DPF2: variants seen among roughly 807,000 people sequenced by gnomAD.
The protein encoded by DPF2 is zinc finger protein ubi-d4.
A neutral mutation model predicts 59.6 loss-of-function variants in DPF2; 10 were observed. That is an observed-to-expected ratio of 0.17 (90% CI 0.10 to 0.28). The LOEUF (loss-of-function observed/expected upper bound fraction) is 0.28, where lower values mean the gene tolerates loss of function less well. Ranked by LOEUF, DPF2 falls within the 10% of genes least tolerant of loss-of-function variation. DPF2 has a pLI of 1.00. For synonymous variants in DPF2, 189 were observed against 190.6 expected, an observed-to-expected ratio of 0.99 and a Z score of 0.07; for missense variants, 315 against 509.4, an observed-to-expected ratio of 0.62 and a Z score of 3.67.
rs1386625167 is a variant in DPF2 at position 65,340,987 on chromosome 11, A to G, written c.215A>G (p.Tyr72Cys). 6.2e-6 allele frequency: 10 copies of G among 1,613,794 alleles called. No individual in the cohort carries two copies. The highest frequency in any genetic ancestry group is 7.6e-6 in the Non-Finnish European group (9 of 1,179,996). The change falls in exon 3 of 11, where the codon TAC becomes TGC. Residue 72 changes from tyrosine (Y) to cysteine (C), a missense_variant. Physicochemically the swap from Tyr to Cys is radical, Grantham distance 194. This residue lies in a region of DPF2 where 228 missense variants were observed against 275.3 expected (regional missense o/e 0.83). Transcript: ENST00000528416. Reference protein sequence around the residue: ...RGPGLASGQLYSYPARRWRKK... With the variant: ...RGPGLASGQLCSYPARRWRKK... ...ACAGGATTGGCCTCCGGACAGCTGTACTCCTACCCTGCCCGGCGCTGGCGG... is the reference window on the plus strand; with the variant it reads ...ACAGGATTGGCCTCCGGACAGCTGTGCTCCTACCCTGCCCGGCGCTGGCGG...
At chr11:65,339,164 T>C (rs1022670554) in intron 1 of DPF2, among the ~76,000 whole-genome samples, 6 of 152,122 alleles carry the variant, frequency 3.9e-5, no homozygotes, top group East Asian at 3.9e-4. Context: ...TCCCAGATAC[T>C]TGGGAGGCTA....
At chr11:65,342,033 C>T (rs1365269773) in intron 4 of DPF2, 1 of 155,434 alleles carries the variant, frequency 6.4e-6, no homozygotes, top group African/African-American at 2.4e-5. Context: ...GTGGGAGAAT[C>T]ACTTGAGCCT....
intron 3 of DPF2, 74 bp from the exon 4 acceptor site, chr11:65,341,325 C>T: frequency 6.3e-7 from 1 of 1,592,540 alleles, no homozygotes; most frequent in South Asian, 1.1e-5. Context: ...TTGGTAAGCC[C>T]CAGCATTATG....
chr11:65,348,630 AAG>A, intron 9 of DPF2: 2 of 450,762 alleles, frequency 4.4e-6, no homozygotes, highest in East Asian at 3.6e-5. Context: ...AAAAAAAAAA[AAG>A]TGGAGGTGAT....
intron 7 of DPF2, 25 bp from the exon 8 acceptor site, chr11:65,345,905 T>A (rs766928686): frequency 8.1e-6 from 13 of 1,613,696 alleles, no homozygotes; most frequent in Middle Eastern, 1.6e-4. Flanking sequence ...CCCATGGGTG[T>A]CATCAAAACT....
rs1565527383 is a variant in DPF2, at chr11:65,337,477, ATATATATAT to A, written c.33-2907_33-2899del. Among the ~76,000 whole-genome samples, 47 of 33,982 alleles carry A rather than the reference ATATATATAT, an allele frequency of 1.4e-3. 1 individual carries two copies. Among genetic ancestry groups the A allele is most frequent in the Admixed American group, 7.3e-3 (16 of 2,202 alleles). The allele number at this position is 33,982 out of a possible 152,430, so 22.3% of individuals were successfully genotyped here. A position where few individuals can be genotyped will look rare whatever the true frequency, so the allele number is the denominator to read the frequency against. On this transcript the variant is annotated intron_variant, in intron 1 of 10. Transcript: ENST00000528416. ...CAAAAAAAAAAAAAAAAAAAAAAAT[ATATATATAT>A]ATATATATATATATATATAGAGAGA...
At chr11:65,348,759 A>G in intron 9 of DPF2, 91 bp from the exon 10 acceptor site, 1 of 1,292,572 alleles carries the variant, frequency 7.7e-7, no homozygotes, top group Non-Finnish European at 1.1e-6. Flanking sequence ...CTTACCTGCT[A>G]CCTACCCCTC....
At chr11:65,337,452 C>CAAAAAAAAAA (rs750931920) in intron 1 of DPF2, among the ~76,000 whole-genome samples, 1 of 13,534 alleles carries the variant, frequency 7.4e-5, no homozygotes, top group African/African-American at 2.9e-4. Flanking sequence ...GACTCTATCT[C>CAAAAAAAAAA]AAAAAAAAAA....
intron 1 of DPF2, among the ~76,000 whole-genome samples, chr11:65,336,899 G>T (rs975273520): frequency 6.6e-6 from 1 of 151,464 alleles, no homozygotes; most frequent in Non-Finnish European, 1.5e-5. Context: ...GACCAGCCTG[G>T]CCAAGGTGGT....
At chr11:65,350,366 CTTTCTTTCTTTTTT>C (rs1854658280) in intron 10 of DPF2, among the ~76,000 whole-genome samples, 1 of 144,534 alleles carries the variant, frequency 6.9e-6, no homozygotes, top group African/African-American at 2.6e-5. Context: ...TTTTCTTTTT[CTTTCTTTCTTTTTT>C]TTTTTTTTTT....
At chr11:65,343,425 CAG>C (rs760559533) in intron 4 of DPF2, 22 of 309,668 alleles carry the variant, frequency 7.1e-5, no homozygotes, top group African/African-American at 2.1e-4. Flanking sequence ...GGTGGCCAAT[CAG>C]AGGCAGGAGA....
At position 65,351,894 on chromosome 11, in the gene DPF2, C is replaced by T; in HGVS notation, c.*135C>T. The T allele has an allele frequency of 1.0e-6, 1 of 994,586 alleles. No individual in the cohort carries two copies. The highest frequency in any genetic ancestry group is 1.5e-6 in the Non-Finnish European group (1 of 672,512). The allele number at this position is 994,586 out of a possible 1,614,324, so 61.6% of individuals were successfully genotyped here. On this transcript the variant is annotated 3_prime_UTR_variant, in exon 11 of 11. Coordinates refer to ENST00000528416, the MANE Select transcript of DPF2 (RefSeq NM_006268.5). Reference sequence around the variant, plus strand: ...CCTTGGGGTGGTTGTGCCAGCCTGCCTTTGGCAGCTGCAAGCTGAGGTGGC... The same window carrying T: ...CCTTGGGGTGGTTGTGCCAGCCTGCTTTTGGCAGCTGCAAGCTGAGGTGGC...
At position 65,352,046 on chromosome 11, in the gene DPF2, A is replaced by G. The variant is rs1223263894; in HGVS notation, c.*287A>G. 9.0e-6 allele frequency: 4 copies of G among 442,832 alleles called. No individual in the cohort carries two copies. Among genetic ancestry groups the G allele is most frequent in the Non-Finnish European group, 1.2e-5 (3 of 241,856 alleles). The allele number at this position is 442,832 out of a possible 1,614,324, so 27.4% of individuals were successfully genotyped here. On this transcript the variant is annotated 3_prime_UTR_variant, in exon 11 of 11. Coordinates refer to ENST00000528416, the MANE Select transcript of DPF2 (RefSeq NM_006268.5). Reference sequence around the variant, plus strand: ...CATTCACTCTGCTTGCCTTGGGCCCAGCCCCTGGTGATCACAGGGTTCAAA... The same window carrying G: ...CATTCACTCTGCTTGCCTTGGGCCCGGCCCCTGGTGATCACAGGGTTCAAA...
In DPF2 at chr11:65,351,929, CACCTCTG is replaced by C. The variant is rs1854709459; in HGVS notation, c.*171_*177del. On this transcript the variant is annotated 3_prime_UTR_variant, in exon 11 of 11. Transcript: ENST00000528416. ...TGCAAGCTGAGGTGGCAGCTCTGAC[CACCTCTG>C]GCCCCAGGCCCTCAGGGAGAAAGGA... 6.5e-5 allele frequency: 44 copies of C among 678,224 alleles called. 1 individual carries two copies. The South Asian group carries it at 8.2e-4, about 13-fold the overall frequency. The allele number at this position is 678,224 out of a possible 1,614,324, so 42.0% of individuals were successfully genotyped here. A position where few individuals can be genotyped will look rare whatever the true frequency, so the allele number is the denominator to read the frequency against.
intron 8 of DPF2, 85 bp from the exon 9 acceptor site, chr11:65,346,162 C>G: frequency 1.3e-6 from 2 of 1,596,316 alleles, no homozygotes; most frequent in East Asian, 2.2e-5. Context: ...TTTTCCTAAC[C>G]AAGAGAAGAT....
At chr11:65,347,183 T>C (rs1227876511) in intron 9 of DPF2, 1 of 151,526 alleles carries the variant, frequency 6.6e-6, no homozygotes, top group Non-Finnish European at 1.5e-5. Context: ...CCCGGCTAAT[T>C]TTGTATTTTT....
chr11:65,341,658 G>T, intron 4 of DPF2, 96 bp downstream of exon 4: 3 of 1,541,446 alleles, frequency 1.9e-6, no homozygotes, highest in Non-Finnish European at 2.6e-6. Context: ...ACAGAAGCTG[G>T]AGTCCAGGAA....
intron 6 of DPF2, chr11:65,344,381 C>G (rs1299354132): frequency 1.6e-6 from 1 of 628,620 alleles, no homozygotes; most frequent in African/African-American, 1.8e-5. Context: ...AAGCCAGGGC[C>G]CCAGGGGTCT....
chr11:65,346,159 A>G lies in DPF2; in HGVS notation c.905-88A>G, dbSNP rs922053318. 5.0e-6 allele frequency: 8 copies of G among 1,596,328 alleles called. No homozygotes were observed. In the Admixed American group the frequency reaches 5.1e-5, roughly 10 times the overall value. On this transcript the variant is annotated intron_variant, in intron 8 of 10. Coordinates refer to ENST00000528416, the MANE Select transcript of DPF2 (RefSeq NM_006268.5). ...ATAACCAGCCCACCTCGCTTTTCCT[A>G]ACCAAGAGAAGATGTAGCCACAGGC...
Sources: gnomAD v4.1 joint callset for allele counts (sites outside exome capture counted in the v4.1 genomes callset) on GRCh38, gnomAD v4.1.1 for gene constraint, gnomAD v4.1.1 regional missense constraint, MANE v1.5 for transcripts, NCBI Gene and HGNC (gene_info 2026-07-23, HGNC 2026-07-21) for gene names.